Variants in DISP3 observed in about 807,000 individuals in gnomAD.
The protein encoded by DISP3 is dispatched RND transporter family member 3, also known as protein dispatched homolog 3.
A neutral mutation model predicts 135.3 loss-of-function variants in DISP3; 101 were observed. The ratio of observed to expected loss-of-function variants is 0.75; its 90% CI spans 0.64 to 0.88. The LOEUF (loss-of-function observed/expected upper bound fraction) is 0.88. Among genes scored for constraint, DISP3 ranks in the 40% least tolerant of loss-of-function variants. The pLI is 0.00. For missense variants in DISP3, 1,713 were observed against 1,878.6 expected (o/e 0.91, Z 1.63); for synonymous variants, 856 against 817.0 (o/e 1.05, Z -0.81).
At chr1:11,492,850 A>G (rs763288412) in intron 1 of DISP3, among the ~76,000 whole-genome samples, 32 of 152,248 alleles carry the variant, frequency 2.1e-4, no homozygotes, top group Admixed American at 4.6e-4. Flanking sequence ...CCCTTCCTCT[A>G]TGGATCTGGA....
intron 1 of DISP3, among the ~76,000 whole-genome samples, chr1:11,497,418 C>T (rs1641365924): frequency 6.6e-6 from 1 of 150,986 alleles, no homozygotes; most frequent in Non-Finnish European, 1.5e-5. Flanking sequence ...CGGAGTCTTG[C>T]TCTGTCGTCG....
intron 2 of DISP3, 39 bp from the exon 3 acceptor site, chr1:11,502,639 C>T: frequency 3.2e-6 from 5 of 1,542,726 alleles, no homozygotes; most frequent in South Asian, 1.1e-5. Context: ...TGGGAGCTGA[C>T]CAGCTGAACT....
In DISP3 at chr1:11,536,547, G is replaced by A; in HGVS notation, c.4040G>A (p.Ser1347Asn). The change falls in exon 21 of 21, where the codon AGC becomes AAC. Residue 1347 changes from serine to asparagine, a missense_variant. Transcript: ENST00000294484. The surrounding 1 kb of genome is among the most constrained non-coding windows in gnomAD (Gnocchi z 4.3). ...STALLGIMAP[S>N]SFTRTRTSFL... ...GCCCTGCTGGGCATCATGGCGCCCA[G>A]CTCTTTCACTCGGACCCGGACTTCC... 1.2e-6 allele frequency: 2 copies of A among 1,612,856 alleles called. No individual in the cohort carries two copies. Among genetic ancestry groups the A allele is most frequent in the Non-Finnish European group, 1.7e-6 (2 of 1,179,978 alleles).
Position 11,520,656 on chromosome 1 carries a change from C to T in DISP3, c.2201-31C>T, listed in dbSNP as rs1480928012. ...CTGGGAACAGACCAGCTGGGCCCAGCCCCGCCTGGTGTAGCGCCCTTTCCT... is the reference window on the plus strand; with the variant it reads ...CTGGGAACAGACCAGCTGGGCCCAGTCCCGCCTGGTGTAGCGCCCTTTCCT... On this transcript the variant is annotated intron_variant, in intron 9 of 20. Transcript: ENST00000294484. The surrounding 1 kb of genome is among the most constrained non-coding windows in gnomAD (Gnocchi z 4.8). 1 of 1,604,080 alleles carries T rather than the reference C, an allele frequency of 6.2e-7. No homozygotes were observed.
intron 13 of DISP3, 62 bp downstream of exon 13, chr1:11,526,897 C>T: frequency 2.0e-6 from 3 of 1,521,176 alleles, no homozygotes; most frequent in Non-Finnish European, 2.6e-6. Flanking sequence ...GCCCTTTTCT[C>T]TCTTTTCTCT....
intron 2 of DISP3, 103 bp downstream of exon 2, chr1:11,502,191 C>A: frequency 1.4e-6 from 2 of 1,453,212 alleles, no homozygotes; most frequent in Admixed American, 2.6e-5. Flanking sequence ...CAGGCCCAGT[C>A]AGTCTGGAAC....
chr1:11,529,667 C>A lies in DISP3; in HGVS notation c.2910C>A (p.Phe970Leu). The A allele has an allele frequency of 6.2e-7, 1 of 1,607,400 alleles. No individual in the cohort carries two copies. Among genetic ancestry groups the A allele is most frequent in the Admixed American group, 1.7e-5 (1 of 59,832 alleles). The change falls in exon 14 of 21, where the codon TTC (phenylalanine) becomes TTA (leucine). Residue 970 changes from phenylalanine to leucine, a missense_variant. By Grantham distance (22) the Phe-to-Leu change is conservative (BLOSUM62 0). This residue lies in a region of DISP3 where 1,142 missense variants were observed against 1,384.6 expected (regional missense o/e 0.82). Transcript: ENST00000294484. The surrounding 1 kb of genome is among the most constrained non-coding windows in gnomAD (Gnocchi z 4.7). ...CCGATGGGCCTACCAAAGGCTTCTT[C>A]TTCGTGCCTAGTGAGAAAGGTACGG... is the stretch of plus-strand genomic sequence containing the variant. ...SSPDGPTKGFFFVPSEKVPKA... is the reference protein window; with the variant it reads ...SSPDGPTKGFLFVPSEKVPKA...
intron 1 of DISP3, among the ~76,000 whole-genome samples, chr1:11,496,360 A>ACG (rs1641332649): frequency 6.6e-6 from 1 of 152,148 alleles, no homozygotes. Context: ...GTGTGCCTGT[A>ACG]TGTGTGAGAG....
At chr1:11,481,337 A>G (rs531988634) in intron 1 of DISP3, 1 of 152,300 alleles carries the variant, frequency 6.6e-6, no homozygotes, top group South Asian at 2.1e-4. Flanking sequence ...TCCCCTCCCC[A>G]GGAAGTTTTC....
rs1002177986 is a variant in DISP3 at position 11,520,946 on chromosome 1, C to T, written c.2362+98C>T. On this transcript the variant is annotated intron_variant, in intron 10 of 20. Coordinates refer to ENST00000294484, the MANE Select transcript of DISP3 (RefSeq NM_020780.2). The surrounding 1 kb of genome is among the most constrained non-coding windows in gnomAD (Gnocchi z 4.8). ...GCAGGATCCAGGGTCCCCATCAATG[C>T]CAGACCTCAGGCAAATCCCACTCCC... The T allele has an allele frequency of 1.1e-5, 15 of 1,366,896 alleles. No individual in the cohort carries two copies. The highest frequency in any genetic ancestry group is 1.5e-5 in the Non-Finnish European group (15 of 1,020,288). 84.7% of individuals were successfully genotyped at this position (1,366,896 alleles called of 1,614,324 possible).
At chr1:11,492,372 A>C (rs1641214350) in intron 1 of DISP3, among the ~76,000 whole-genome samples, 1 of 152,070 alleles carries the variant, frequency 6.6e-6, no homozygotes, top group African/African-American at 2.4e-5. Flanking sequence ...GACCCAGGCA[A>C]AGCTTGTTTG....
In DISP3 at chr1:11,530,956, A is replaced by T; in HGVS notation, c.3152A>T (p.His1051Leu). Residue 1051 changes from histidine to leucine, a missense_variant, in exon 16 of 21, where the codon CAC (histidine) becomes CTC (leucine). By Grantham distance (99) the His-to-Leu change is moderately conservative. This residue lies in a region of DISP3 where 1,142 missense variants were observed against 1,384.6 expected (regional missense o/e 0.82). Transcript: ENST00000294484. ...SSFDLFKEIG[H>L]LCHLCKAIAA... ...TTTGACCTCTTCAAGGAAATTGGGC[A>T]CCTGTGTCACCTCTGCAAGGCCATC... The T allele has an allele frequency of 1.2e-6, 2 of 1,613,886 alleles. No individual in the cohort carries two copies. The highest frequency in any genetic ancestry group is 3.3e-5 in the Admixed American group (2 of 60,002).
At chr1:11,525,338 GC>G in intron 12 of DISP3, 26 bp downstream of exon 12, 1 of 1,602,346 alleles carries the variant, frequency 6.2e-7, no homozygotes, top group African/African-American at 1.3e-5. Flanking sequence ...CGTGAAGTGA[GC>G]CGCCACCACT....
chr1:11,536,463 G>A lies in DISP3; in HGVS notation c.3956G>A (p.Gly1319Asp). The A allele has an allele frequency of 6.2e-7, 1 of 1,613,662 alleles. No individual in the cohort carries two copies. The highest frequency in any genetic ancestry group is 1.1e-5 in the South Asian group (1 of 91,090). ...ATCATCGCCCCATTTGCCAAGTTCG[G>A]CAAGATTGTGGCACTCAACACGGGC... Reference protein sequence around the residue: ...FCIIAPFAKFGKIVALNTGVS... With the variant: ...FCIIAPFAKFDKIVALNTGVS... Residue 1319 changes from glycine to aspartate, a missense_variant, in exon 21 of 21, where the codon GGC (glycine) becomes GAC (aspartate). Physicochemically the swap from Gly to Asp is moderately conservative, Grantham distance 94. This residue lies in a region of DISP3 where 1,142 missense variants were observed against 1,384.6 expected (regional missense o/e 0.82). Coordinates refer to ENST00000294484, the MANE Select transcript of DISP3 (RefSeq NM_020780.2). This position sits in a 1 kb window ranked among gnomAD's most constrained non-coding sequence, Gnocchi z 4.3.
intron 1 of DISP3, among the ~76,000 whole-genome samples, chr1:11,497,931 C>G (rs373542953): frequency 3.3e-5 from 5 of 152,206 alleles, no homozygotes; most frequent in Admixed American, 6.5e-5. Context: ...GACTGCCCCC[C>G]CTCCCCAAGG....
intron 15 of DISP3, 86 bp from the exon 16 acceptor site, chr1:11,530,821 T>C: frequency 1.3e-6 from 2 of 1,548,046 alleles, no homozygotes; most frequent in Non-Finnish European, 1.8e-6. Context: ...TGCTGGAGGT[T>C]CTGCCCCAGG....
intron 5 of DISP3, 90 bp downstream of exon 5, chr1:11,515,593 C>A: frequency 6.6e-7 from 1 of 1,507,196 alleles, no homozygotes; most frequent in Non-Finnish European, 8.9e-7. Flanking sequence ...CCTGGCTTCC[C>A]TGGGGGCTCT....
chr1:11,531,127 C>T lies in DISP3; in HGVS notation c.3229+94C>T. 1 of 1,549,694 alleles carries T rather than the reference C, an allele frequency of 6.5e-7. No homozygotes were observed. The highest frequency in any genetic ancestry group is 8.7e-7 in the Non-Finnish European group (1 of 1,145,854). ...GGTCCAAGGTAGACAGCCCGAAGGACAGTGTCTGGCATGTGGGGGTCTTTT... is the reference window on the plus strand; with the variant it reads ...GGTCCAAGGTAGACAGCCCGAAGGATAGTGTCTGGCATGTGGGGGTCTTTT... On this transcript the variant is annotated intron_variant, in intron 16 of 20. Transcript: ENST00000294484. The surrounding 1 kb of genome is among the most constrained non-coding windows in gnomAD (Gnocchi z 5.2).
chr1:11,479,835 T>C (rs6695628), intron 1 of DISP3, among the ~76,000 whole-genome samples: 148,849 of 152,186 alleles, frequency 0.98, 72,881 homozygotes, highest in Middle Eastern at 1. Context: ...CTCCACCCAC[T>C]CCCTACCTAG....
Sources: gnomAD v4.1 joint callset for allele counts (sites outside exome capture counted in the v4.1 genomes callset) on GRCh38, gnomAD v4.1.1 for gene constraint, gnomAD v4.1.1 regional missense constraint, Gnocchi (gnomAD v3.1) non-coding constraint, MANE v1.5 for transcripts, NCBI Gene and HGNC (gene_info 2026-07-23, HGNC 2026-07-21) for gene names.